Variants in FBXL20 observed in about 807,000 individuals in gnomAD.
FBXL20 encodes the protein F-box/LRR-repeat protein 20.
FBXL20 carries 11 observed loss-of-function variants against 64.0 expected under a neutral mutation model. The observed-to-expected ratio is 0.17, with a 90% CI of 0.11 to 0.28. The LOEUF (loss-of-function observed/expected upper bound fraction) is 0.28. FBXL20 is among the 10% of genes least tolerant of loss of function. The probability of loss-of-function intolerance (pLI) is 1.00; values close to 1 mark genes in which losing one functional copy is unlikely to be tolerated. For synonymous variants in FBXL20, 184 were observed against 189.0 expected, an observed-to-expected ratio of 0.97 and a Z score of 0.22; for missense variants, 303 against 526.2, an observed-to-expected ratio of 0.58 and a Z score of 4.15.
chr17:39,397,134 G>A (rs996032621), intron 1 of FBXL20, among the ~76,000 whole-genome samples: 13 of 152,012 alleles, frequency 8.6e-5, no homozygotes, highest in African/African-American at 2.7e-4. Context: ...TCGAACTCCC[G>A]AGCTCAGATG....
intron 6 of FBXL20, among the ~76,000 whole-genome samples, chr17:39,285,828 T>C (rs1157146548): frequency 2.0e-5 from 3 of 152,220 alleles, no homozygotes; most frequent in African/African-American, 7.2e-5. Context: ...CATTTTAAAA[T>C]GTTAACAGCA....
chr17:39,312,214 A>G (rs1217844987), intron 2 of FBXL20, among the ~76,000 whole-genome samples: 1 of 152,034 alleles, frequency 6.6e-6, no homozygotes, highest in African/African-American at 2.4e-5. Context: ...CAGGAGTTTG[A>G]GACCAGCCTG....
intron 1 of FBXL20, among the ~76,000 whole-genome samples, chr17:39,387,526 G>A (rs979309804): frequency 2.6e-5 from 4 of 151,226 alleles, no homozygotes; most frequent in Admixed American, 6.6e-5. Context: ...TGATCTGGCC[G>A]TCTCGGCCTC....
At chr17:39,273,247 C>T (rs999006644) in intron 10 of FBXL20, among the ~76,000 whole-genome samples, 2 of 152,008 alleles carry the variant, frequency 1.3e-5, no homozygotes, top group Admixed American at 1.3e-4. Context: ...AACTCCTGAC[C>T]TCAGATGATC....
chr17:39,266,382 G>A (rs1597759110), intron 12 of FBXL20, among the ~76,000 whole-genome samples: 1 of 152,248 alleles, frequency 6.6e-6, no homozygotes, highest in African/African-American at 2.4e-5. Flanking sequence ...ACCACGTCCA[G>A]CTAATTTTTG....
intron 1 of FBXL20, among the ~76,000 whole-genome samples, chr17:39,397,894 C>A (rs2048199143): frequency 1.3e-5 from 2 of 151,690 alleles, no homozygotes; most frequent in Non-Finnish European, 2.9e-5. Flanking sequence ...GGTTCCCCCA[C>A]TTACTAGGTG....
At position 39,260,840 on chromosome 17, in the gene FBXL20, A is replaced by G. The variant is rs1295703337; in HGVS notation, c.*620T>C. On this transcript the variant is annotated 3_prime_UTR_variant, in exon 15 of 15. Coordinates refer to ENST00000264658, the MANE Select transcript of FBXL20 (RefSeq NM_032875.3). ...TGTGTAAGAATTACATTTGGACCAC[A>G]GTGATTTCAAGGCAACCATTTAGGA... 6.4e-6 allele frequency: 1 copy of G among 155,506 alleles called. No individual in the cohort carries two copies. The highest frequency in any genetic ancestry group is 2.4e-5 in the African/African-American group (1 of 41,464). The allele number at this position is 155,506 out of a possible 1,614,324, so 9.6% of individuals were successfully genotyped here. A position where few individuals can be genotyped will look rare whatever the true frequency, so the allele number is the denominator to read the frequency against.
chr17:39,301,137 T>C, intron 3 of FBXL20, 62 bp from the exon 4 acceptor site: 1 of 1,491,496 alleles, frequency 6.7e-7, no homozygotes, highest in African/African-American at 1.4e-5. Context: ...AAGGCAGCAA[T>C]ATTCAAGTTC....
intron 1 of FBXL20, among the ~76,000 whole-genome samples, chr17:39,388,608 C>T (rs1167757254): frequency 6.6e-6 from 1 of 150,812 alleles, no homozygotes; most frequent in South Asian, 2.1e-4. Flanking sequence ...CTCAGCCTCC[C>T]GAGTAGCTGG....
intron 1 of FBXL20, among the ~76,000 whole-genome samples, chr17:39,359,195 C>T (rs369528217): frequency 9.9e-5 from 15 of 151,932 alleles, no homozygotes; most frequent in East Asian, 5.8e-4. Flanking sequence ...ATTAGCGTGG[C>T]GGCACGCACT....
intron 5 of FBXL20, 41 bp from the exon 6 acceptor site, chr17:39,297,236 C>A (rs769640879): frequency 1.6e-6 from 2 of 1,251,008 alleles, no homozygotes; most frequent in Non-Finnish European, 2.3e-6. Context: ...ATGAAATAGG[C>A]CAAATTCCAG....
chr17:39,268,463 G>A (rs2046811537), intron 12 of FBXL20, among the ~76,000 whole-genome samples: 1 of 152,130 alleles, frequency 6.6e-6, no homozygotes. Context: ...ACGATGCCAG[G>A]GATCTAGGAT....
intron 2 of FBXL20, among the ~76,000 whole-genome samples, chr17:39,326,181 A>G (rs1386860494): frequency 2.0e-5 from 3 of 151,996 alleles, no homozygotes; most frequent in African/African-American, 7.3e-5. Flanking sequence ...AGTTTCTGGT[A>G]TAGGCTGCAG....
chr17:39,363,827 C>CAAAAAAAAAAAAAAAA (rs1555612706), intron 1 of FBXL20, among the ~76,000 whole-genome samples: 1 of 78,008 alleles, frequency 1.3e-5, no homozygotes, highest in Non-Finnish European at 2.4e-5. Context: ...AAAAAAAAAA[C>CAAAAAAAAAAAAAAAA]AAAAAACAAA....
rs1247913166 is a variant in FBXL20 at position 39,256,440 on chromosome 17, C to A, written c.*5020G>T. 2.0e-5 allele frequency: 3 copies of A among 151,880 alleles called. No homozygotes were observed. The highest frequency in any genetic ancestry group is 4.4e-5 in the Non-Finnish European group (3 of 68,012). 9.4% of individuals were successfully genotyped at this position (151,880 alleles called of 1,614,324 possible). On this transcript the variant is annotated 3_prime_UTR_variant, in exon 15 of 15. Transcript: ENST00000264658. ...AACATCATTAATGGGGAGAGAGGTT[C>A]TGTCTCAAGAATTCCAACCAAACAT...
At position 39,303,609 on chromosome 17, in the gene FBXL20, C is replaced by A. The variant is rs1412317598; in HGVS notation, c.135G>T (p.Leu45=). ...RIFSFLDVVT[L]CRCAQVSRAW... ...CCCTGGAGACCTGAGCACAGCGGCA[C>A]AGGGTAACAACATCTAGAAAAGAAA... Residue 45 remains leucine (L), a synonymous_variant, in exon 3 of 15, where the codon CTG becomes CTT. Coordinates refer to ENST00000264658, the MANE Select transcript of FBXL20 (RefSeq NM_032875.3). 6.2e-7 allele frequency: 1 copy of A among 1,611,350 alleles called. No homozygotes were observed. The highest frequency in any genetic ancestry group is 1.7e-5 in the Admixed American group (1 of 59,606).
chr17:39,296,673 A>AATT (rs1197344068), intron 6 of FBXL20, among the ~76,000 whole-genome samples: 1 of 152,076 alleles, frequency 6.6e-6, no homozygotes, highest in Non-Finnish European at 1.5e-5. Flanking sequence ...AATTAAGCTT[A>AATT]ATTTCCTTCA....
intron 6 of FBXL20, among the ~76,000 whole-genome samples, chr17:39,292,559 T>C (rs2047049085): frequency 6.6e-6 from 1 of 151,920 alleles, no homozygotes; most frequent in Non-Finnish European, 1.5e-5. Flanking sequence ...ACACCTGGCT[T>C]GTAACTGCTA....
chr17:39,285,335 A>C (rs2046979583), intron 7 of FBXL20, 143 bp downstream of exon 7: 2 of 466,076 alleles, frequency 4.3e-6, no homozygotes, highest in African/African-American at 2.0e-5. Context: ...AATTTGGGCA[A>C]GTGGTAAAAC....
Sources: allele counts gnomAD v4.1 joint callset (sites outside exome capture counted in the v4.1 genomes callset), GRCh38; gene constraint gnomAD v4.1.1; transcripts MANE v1.5; gene names NCBI Gene and HGNC (gene_info 2026-07-23, HGNC 2026-07-21).